The following ZFP90 variants were observed in gnomAD, a reference collection of about 807,000 sequenced individuals.
ZFP90 encodes zinc finger protein 90 homolog.
In ZFP90, 38 loss-of-function variants were observed where a neutral mutation model predicts 60.8. The observed-to-expected ratio is 0.62, with a 90% CI of 0.48 to 0.82. ZFP90 has a LOEUF of 0.82. Among genes scored for constraint, ZFP90 ranks in the 40% least tolerant of loss-of-function variants. ZFP90 has a pLI of 0.00. For missense variants in ZFP90, 711 were observed against 759.1 expected (o/e 0.94, Z 0.74); for synonymous variants, 287 against 264.8 (o/e 1.08, Z -0.82).
chr16:68,537,659 G>A (rs556501553), upstream of ZFP90, among the ~76,000 whole-genome samples: 8 of 151,572 alleles, frequency 5.3e-5, no homozygotes, highest in South Asian at 1.3e-3. Context: ...TCTGCTTCCC[G>A]GGTTCAAACG....
chr16:68,536,779 C>T (rs2090963754), upstream of ZFP90, among the ~76,000 whole-genome samples: 1 of 152,154 alleles, frequency 6.6e-6, no homozygotes, highest in South Asian at 2.1e-4. Flanking sequence ...GAACTTAATC[C>T]TCAACTCTTG....
upstream of ZFP90, among the ~76,000 whole-genome samples, chr16:68,538,637 C>T (rs1175839186): frequency 6.6e-6 from 1 of 151,208 alleles, no homozygotes; most frequent in African/African-American, 2.4e-5. Flanking sequence ...ACCCAGGAGG[C>T]GGAGGCTGCG....
chr16:68,562,754 C>G, intron 4 of ZFP90: 1 of 572,160 alleles, frequency 1.7e-6, no homozygotes, highest in South Asian at 2.2e-5. Flanking sequence ...GATCCTGTTC[C>G]ATTTGTATCT....
rs773878552 is a variant in ZFP90, at chr16:68,564,661, C to T, written c.1874C>T (p.Thr625Ile). The change falls in exon 5 of 5, where the codon ACT becomes ATT. Residue 625 changes from threonine (T) to isoleucine (I), a missense_variant. Thr to Ile is a moderately conservative substitution (Grantham distance 89). Transcript: ENST00000563169. Reference protein sequence around the residue: ...GKNFSRSSALTKHQRIHTRNK... With the variant: ...GKNFSRSSALIKHQRIHTRNK... ...AACTTCAGCCGAAGTTCAGCTCTTA[C>T]TAAACACCAGAGAATTCATACTCGA... The T allele has an allele frequency of 1.9e-6, 3 of 1,612,888 alleles. No homozygotes were observed. Among genetic ancestry groups the T allele is most frequent in the African/African-American group, 2.7e-5 (2 of 74,830 alleles).
chr16:68,557,334 C>G, intron 2 of ZFP90: 1 of 450,238 alleles, frequency 2.2e-6, no homozygotes, highest in Admixed American at 2.4e-5. Context: ...ATTATTAATA[C>G]GGCGAGGTGT....
At chr16:68,548,742 G>A (rs1235872006) in intron 2 of ZFP90, among the ~76,000 whole-genome samples, 1 of 151,616 alleles carries the variant, frequency 6.6e-6, no homozygotes, top group African/African-American at 2.4e-5. Flanking sequence ...CGCCCGCCTC[G>A]GCCTCCCAAA....
upstream of ZFP90, chr16:68,539,240 G>GC (rs573385672): frequency 1.2e-4 from 19 of 153,032 alleles, no homozygotes; most frequent in African/African-American, 4.6e-4. Flanking sequence ...TAGTTCGCGC[G>GC]CCCGGCGTGG....
chr16:68,534,312 TCTGCCTCCTGGGTTCAAGTGATTCTC>T (rs2090946374), upstream of ZFP90, among the ~76,000 whole-genome samples: 2 of 148,820 alleles, frequency 1.3e-5, no homozygotes, highest in South Asian at 4.3e-4. Flanking sequence ...CACTGCAGCC[TCTGCCTCCTGGGTTCAAGTGATTCTC>T]CTGCCTCAGC....
At chr16:68,571,246 C>G (rs1385224612), downstream of ZFP90, among the ~76,000 whole-genome samples, 1 of 152,118 alleles carries the variant, frequency 6.6e-6, no homozygotes, top group African/African-American at 2.4e-5. Flanking sequence ...ATCAACTAGA[C>G]ATTTTAGAGG....
chr16:68,537,581 T>C (rs1446484424), upstream of ZFP90, among the ~76,000 whole-genome samples: 4 of 152,168 alleles, frequency 2.6e-5, no homozygotes, highest in Non-Finnish European at 5.9e-5. Flanking sequence ...TTATATATAT[T>C]TTTTGAGACA....
rs1246185475 is a variant in ZFP90, at chr16:68,550,758, G to C, written c.34-7240G>C. Among the ~76,000 whole-genome samples, 3 of 152,212 alleles carry C rather than the reference G, an allele frequency of 2.0e-5. No homozygotes were observed. The East Asian group carries it at 5.8e-4, about 29-fold the overall frequency. On this transcript the variant is annotated intron_variant, in intron 2 of 4. Coordinates refer to ENST00000563169, the MANE Select transcript of ZFP90 (RefSeq NM_001305203.2). ...ATATTAGACTGTGTGGCTGTAGATT[G>C]CCATTCCCTGGATTAATGCTGTCAT...
At chr16:68,536,750 C>T (rs2090963558), upstream of ZFP90, among the ~76,000 whole-genome samples, 1 of 152,324 alleles carries the variant, frequency 6.6e-6, no homozygotes, top group South Asian at 2.1e-4. Flanking sequence ...CAAATGTTTT[C>T]ATCTTTCCTT....
chr16:68,557,440 C>T (rs1243126334), intron 2 of ZFP90: 3 of 350,424 alleles, frequency 8.6e-6, no homozygotes, highest in African/African-American at 4.3e-5. Context: ...ATGCAAAGAT[C>T]TCTAGGATAC....
chr16:68,574,759 TA>T (rs139020241), intron 2 of ZFP90, among the ~76,000 whole-genome samples: 2 of 151,304 alleles, frequency 1.3e-5, no homozygotes, highest in South Asian at 4.2e-4. Flanking sequence ...ACCCTGTCTC[TA>T]AAAAAAATAC....
chr16:68,539,549 G>A (rs1168243280), intron 1 of ZFP90, 70 bp downstream of exon 1: 2 of 502,904 alleles, frequency 4.0e-6, no homozygotes, highest in South Asian at 3.1e-5. Context: ...ACCACCCTGC[G>A]AAGGGGACTG....
Position 68,560,964 on chromosome 16 carries a change from G to A in ZFP90, c.257-2080G>A, listed in dbSNP as rs567417564. ...TGGCATGATGCAGTGGCATGATCTC[G>A]TCTCACTGCAACCTCCACCTCCCGG... On this transcript the variant is annotated intron_variant, in intron 4 of 4. Transcript: ENST00000563169. Among the ~76,000 whole-genome samples, 21 of 147,838 alleles carry A rather than the reference G, an allele frequency of 1.4e-4. No homozygotes were observed. In the South Asian group the frequency reaches 1.7e-3, roughly 12 times the overall value.
exon 3 of ZFP90, chr16:68,575,904 C>A: frequency 2.5e-6 from 1 of 398,348 alleles, no homozygotes; most frequent in Non-Finnish European, 4.4e-6. Context: ...AAGTAAGGAC[C>A]TCCAGAAGTT....
chr16:68,562,171 T>TATATGC (rs1223597865), intron 4 of ZFP90: 3 of 152,222 alleles, frequency 2.0e-5, no homozygotes, highest in African/African-American at 7.2e-5. Flanking sequence ...AAGAAAATGT[T>TATATGC]ATATGCAGTG....
upstream of ZFP90, among the ~76,000 whole-genome samples, chr16:68,537,093 T>C (rs1351338676): frequency 2.0e-5 from 3 of 151,342 alleles, no homozygotes; most frequent in African/African-American, 7.3e-5. Flanking sequence ...GGAATTCTTT[T>C]CCCCTTATGC....
Sources: gnomAD v4.1 joint callset for allele counts (sites outside exome capture counted in the v4.1 genomes callset) on GRCh38, gnomAD v4.1.1 for gene constraint, MANE v1.5 for transcripts, NCBI Gene and HGNC (gene_info 2026-07-23, HGNC 2026-07-21) for gene names.